ISM1: variants seen among roughly 807,000 people sequenced by gnomAD.
ISM1 encodes isthmin 1.
ISM1 carries 25 observed loss-of-function variants against 46.3 expected under a neutral mutation model. The observed-to-expected ratio is 0.54, with a 90% CI of 0.39 to 0.75. The LOEUF (loss-of-function observed/expected upper bound fraction) is 0.75, where lower values mean the gene tolerates loss of function less well. Among genes scored for constraint, ISM1 ranks in the 30% least tolerant of loss-of-function variants. ISM1 has a pLI of 0.00. For synonymous variants in ISM1, 255 were observed against 256.7 expected (o/e 0.99, Z 0.06); for missense variants, 536 against 625.4 (o/e 0.86, Z 1.52).
chr20:13,223,034 A>C (rs1439616079), intron 1 of ISM1, among the ~76,000 whole-genome samples: 1 of 152,060 alleles, frequency 6.6e-6, no homozygotes, highest in Non-Finnish European at 1.5e-5. Flanking sequence ...GTGGTGGCGC[A>C]CGCCTGTAGT....
At chr20:13,278,128 G>C (rs905972260) in intron 2 of ISM1, among the ~76,000 whole-genome samples, 3 of 152,192 alleles carry the variant, frequency 2.0e-5, no homozygotes, top group Non-Finnish European at 2.9e-5. Flanking sequence ...CATCCAGGGG[G>C]TGTTGCAAGA....
In ISM1 at chr20:13,298,946, A is replaced by C. The variant is rs556763641; in HGVS notation, c.882A>C (p.Thr294=). The C allele has an allele frequency of 1.1e-5, 17 of 1,612,996 alleles. No individual in the cohort carries two copies. The African/African-American group carries it at 2.3e-4, about 22-fold the overall frequency. ...TTTCTCTTTGGCCTTTTCCAGACAC[A>C]GACAGCTGTGAGCGCTGGATGAGCT... is the stretch of plus-strand genomic sequence containing the variant. ...FNATKLFEVD[T]DSCERWMSCK... The change falls in exon 6 of 6, where the codon ACA becomes ACC. Residue 294 remains threonine (T), a synonymous_variant. Coordinates refer to ENST00000262487, the MANE Select transcript of ISM1 (RefSeq NM_080826.2).
chr20:13,309,264 T>C, the ISM1 span, among the ~76,000 whole-genome samples: 1 of 151,886 alleles, frequency 6.6e-6, no homozygotes, highest in African/African-American at 2.4e-5. Context: ...GGGGATACTT[T>C]AGAGGTAACA....
At chr20:13,289,513 A>T (rs1436714108) in intron 4 of ISM1, among the ~76,000 whole-genome samples, 1 of 152,174 alleles carries the variant, frequency 6.6e-6, no homozygotes, top group Non-Finnish European at 1.5e-5. Flanking sequence ...AATAATTGTG[A>T]TTGACTATAG....
At chr20:13,241,599 A>G (rs2039724205) in intron 1 of ISM1, among the ~76,000 whole-genome samples, 1 of 152,132 alleles carries the variant, frequency 6.6e-6, no homozygotes, top group Non-Finnish European at 1.5e-5. Context: ...TAAAAGAGTT[A>G]CCATCTCATG....
chr20:13,264,557 C>G (rs188598177), intron 1 of ISM1, among the ~76,000 whole-genome samples: 1 of 152,378 alleles, frequency 6.6e-6, no homozygotes, highest in African/African-American at 2.4e-5. Context: ...CTCACTCCCT[C>G]TCTTTTGTAT....
chr20:13,318,138 A>AATAAATAAATAAATAT, the ISM1 span, among the ~76,000 whole-genome samples: 1 of 149,548 alleles, frequency 6.7e-6, no homozygotes, highest in Admixed American at 6.6e-5. Context: ...CACTTGAAAA[A>AATAAATAAATAAATAT]ATAAATAAAT....
At chr20:13,245,741 T>C (rs2039785072) in intron 1 of ISM1, among the ~76,000 whole-genome samples, 1 of 152,178 alleles carries the variant, frequency 6.6e-6, no homozygotes. Flanking sequence ...TAATACTTAG[T>C]TTCATCTTCT....
chr20:13,309,044 A>G, the ISM1 span, among the ~76,000 whole-genome samples: 1 of 152,250 alleles, frequency 6.6e-6, no homozygotes, highest in East Asian at 1.9e-4. Context: ...CACTCAGTCT[A>G]TGGTAGTTTG....
intron 1 of ISM1, among the ~76,000 whole-genome samples, chr20:13,230,707 T>C (rs913916644): frequency 9.9e-5 from 15 of 150,848 alleles, no homozygotes; most frequent in African/African-American, 3.4e-4. Flanking sequence ...CCAGATTATA[T>C]GTAGTGAGTT....
At chr20:13,309,625 G>T in the ISM1 span, among the ~76,000 whole-genome samples, 1 of 152,120 alleles carries the variant, frequency 6.6e-6, no homozygotes, top group Non-Finnish European at 1.5e-5. Flanking sequence ...AGAAATAAAA[G>T]GCATCTAAAT....
chr20:13,315,175 G>T, the ISM1 span, among the ~76,000 whole-genome samples: 1 of 152,030 alleles, frequency 6.6e-6, no homozygotes, highest in African/African-American at 2.4e-5. Flanking sequence ...TAATAAATAT[G>T]ATAGGTATTG....
intron 1 of ISM1, among the ~76,000 whole-genome samples, chr20:13,250,178 C>A (rs1312322502): frequency 6.6e-6 from 1 of 152,124 alleles, no homozygotes; most frequent in Non-Finnish European, 1.5e-5. Context: ...GATAGGGTAG[C>A]CAGGAGGCTT....
chr20:13,260,718 T>G (rs1319733889), intron 1 of ISM1, among the ~76,000 whole-genome samples: 3 of 152,034 alleles, frequency 2.0e-5, no homozygotes, highest in Non-Finnish European at 4.4e-5. Flanking sequence ...GCAACTCTCA[T>G]TCTACCTCAC....
At chr20:13,259,344 C>G (rs1043530073) in intron 1 of ISM1, among the ~76,000 whole-genome samples, 1 of 151,816 alleles carries the variant, frequency 6.6e-6, no homozygotes, top group Non-Finnish European at 1.5e-5. Context: ...TGAAAACTTC[C>G]ACTCCTTCAG....
In ISM1 at chr20:13,246,948, G is replaced by A. The variant is rs557330705; in HGVS notation, c.139-23556G>A. 5.5e-3 allele frequency among the ~76,000 whole-genome samples: 772 copies of A among 141,396 alleles called. 8 individuals carry two copies. The highest frequency in any genetic ancestry group is 0.018 in the Middle Eastern group (5 of 284). 92.8% of individuals were successfully genotyped at this position (141,396 alleles called of 152,430 possible). A position where few individuals can be genotyped will look rare whatever the true frequency, so the allele number is the denominator to read the frequency against. ...GACAGAGATTTAAAAATATATATAT[G>A]TATAGTGCCGGGCCCAGTGGCTCAG... On this transcript the variant is annotated intron_variant, in intron 1 of 5. Coordinates refer to ENST00000262487, the MANE Select transcript of ISM1 (RefSeq NM_080826.2).
intron 1 of ISM1, among the ~76,000 whole-genome samples, chr20:13,235,960 T>C (rs2123149026): frequency 6.6e-6 from 1 of 152,010 alleles, no homozygotes; most frequent in East Asian, 1.9e-4. Context: ...AGTCTCATTG[T>C]GTCACCCAGG....
chr20:13,292,467 A>C lies in ISM1; in HGVS notation c.877+4A>C. ...GCCACCAAACTGTTTGAAGTTGGTA[A>C]GATTTTTTTCTTTTTTAATCCAAAT... On this transcript the variant is annotated splice_donor_region_variant and intron_variant, in intron 5 of 5. Coordinates refer to ENST00000262487, the MANE Select transcript of ISM1 (RefSeq NM_080826.2). 1 of 1,575,246 alleles carries C rather than the reference A, an allele frequency of 6.3e-7. No individual in the cohort carries two copies. The highest frequency in any genetic ancestry group is 8.6e-7 in the Non-Finnish European group (1 of 1,156,974).
chr20:13,280,426 TGA>T (rs1415022068), intron 3 of ISM1, among the ~76,000 whole-genome samples: 1 of 140,116 alleles, frequency 7.1e-6, no homozygotes. Context: ...AACTCCAAGT[TGA>T]GAGATCTGGT....
Sources: gnomAD v4.1 joint callset for allele counts (sites outside exome capture counted in the v4.1 genomes callset) on GRCh38, gnomAD v4.1.1 for gene constraint, MANE v1.5 for transcripts, NCBI Gene and HGNC (gene_info 2026-07-23, HGNC 2026-07-21) for gene names.